PPCDC: variants seen among roughly 807,000 people sequenced by gnomAD.
PPCDC encodes phosphopantothenoylcysteine decarboxylase.
PPCDC carries 20 observed loss-of-function variants against 20.7 expected under a neutral mutation model. The ratio of observed to expected loss-of-function variants is 0.97; its 90% CI spans 0.68 to 1.41. PPCDC has a LOEUF of 1.41. Among genes scored for constraint, PPCDC ranks in the 40% most tolerant of loss-of-function variants. The pLI, the probability that PPCDC is intolerant of heterozygous loss-of-function variation, is 0.00. For missense variants in PPCDC, 246 were observed against 263.8 expected, an observed-to-expected ratio of 0.93 and a Z score of 0.47; for synonymous variants, 88 against 100.3, an observed-to-expected ratio of 0.88 and a Z score of 0.73.
In PPCDC at chr15:75,048,722, G is replaced by C; in HGVS notation, c.529+1G>C. Reference sequence around the variant, plus strand: ...AAGAAGCTGGTGTGCGGAGATGAAGGTGGGTGTCTTGCCAGGCTTATAGCC... The same window carrying C: ...AAGAAGCTGGTGTGCGGAGATGAAGCTGGGTGTCTTGCCAGGCTTATAGCC... On this transcript the variant is annotated splice_donor_variant, in intron 5 of 5. Coordinates refer to ENST00000342932, the MANE Select transcript of PPCDC (RefSeq NM_021823.5). LOFTEE classifies it high-confidence loss of function. The C allele has an allele frequency of 6.2e-7, 1 of 1,613,918 alleles. No homozygotes were observed. The highest frequency in any genetic ancestry group is 1.3e-5 in the African/African-American group (1 of 75,072).
At chr15:75,024,921 T>TG (rs1340252388) in intron 1 of PPCDC, among the ~76,000 whole-genome samples, 1 of 151,898 alleles carries the variant, frequency 6.6e-6, no homozygotes, top group East Asian at 1.9e-4. Context: ...TTTTTTTTTT[T>TG]TGTGGTACTA....
At chr15:75,029,475 C>T (rs1209281687) in intron 2 of PPCDC, among the ~76,000 whole-genome samples, 2 of 152,170 alleles carry the variant, frequency 1.3e-5, no homozygotes, top group Admixed American at 1.3e-4. Flanking sequence ...GCGGTGCTTA[C>T]TCACAGATGA....
intron 2 of PPCDC, among the ~76,000 whole-genome samples, chr15:75,038,560 A>G (rs989010814): frequency 6.6e-6 from 1 of 152,156 alleles, no homozygotes; most frequent in African/African-American, 2.4e-5. Context: ...GCTGATTGCA[A>G]ACTCCATACA....
chr15:75,031,307 C>T (rs12594117), intron 2 of PPCDC, among the ~76,000 whole-genome samples: 1 of 152,032 alleles, frequency 6.6e-6, no homozygotes, highest in Admixed American at 6.5e-5. Flanking sequence ...CAGTAAAATC[C>T]GGGTTGTCAG....
At chr15:75,046,600 C>T (rs894219206) in intron 4 of PPCDC, among the ~76,000 whole-genome samples, 1 of 152,276 alleles carries the variant, frequency 6.6e-6, no homozygotes, top group Non-Finnish European at 1.5e-5. Flanking sequence ...GGTTTTCCCT[C>T]GAAGTCACAA....
At chr15:75,038,854 A>T (rs2066116291) in intron 2 of PPCDC, among the ~76,000 whole-genome samples, 1 of 150,622 alleles carries the variant, frequency 6.6e-6, no homozygotes, top group African/African-American at 2.4e-5. Context: ...TTCTACTATT[A>T]TCCGTTTCTT....
In PPCDC at chr15:75,048,731, T is replaced by C. The variant is rs1232443744; in HGVS notation, c.529+10T>C. On this transcript the variant is annotated intron_variant, in intron 5 of 5. Transcript: ENST00000342932. The stretch of plus-strand genomic sequence containing the variant: ...GTGTGCGGAGATGAAGGTGGGTGTC[T>C]TGCCAGGCTTATAGCCCAGGGCTGT... 1 of 1,613,416 alleles carries C rather than the reference T, an allele frequency of 6.2e-7. No homozygotes were observed. Among genetic ancestry groups the C allele is most frequent in the East Asian group, 2.2e-5 (1 of 44,886 alleles).
At chr15:75,025,559 A>G (rs976308497) in intron 1 of PPCDC, among the ~76,000 whole-genome samples, 4 of 152,214 alleles carry the variant, frequency 2.6e-5, no homozygotes, top group Non-Finnish European at 5.9e-5. Context: ...TCTGGAGGAT[A>G]GAGAAGCTGC....
At chr15:75,046,014 C>T (rs566706254) in intron 4 of PPCDC, among the ~76,000 whole-genome samples, 1 of 151,902 alleles carries the variant, frequency 6.6e-6, no homozygotes, top group East Asian at 1.9e-4. Context: ...AGTTTGAGAC[C>T]AGCCTGAGCA....
chr15:75,043,083 C>T (rs571000357), intron 2 of PPCDC, among the ~76,000 whole-genome samples: 7 of 152,378 alleles, frequency 4.6e-5, no homozygotes, highest in Non-Finnish European at 7.3e-5. Context: ...CTGCTGTGGC[C>T]TCTGCGGCCC....
chr15:75,041,417 C>A (rs1221897119), intron 2 of PPCDC, among the ~76,000 whole-genome samples: 1 of 152,098 alleles, frequency 6.6e-6, no homozygotes, highest in East Asian at 1.9e-4. Context: ...ATTGCTTGAG[C>A]CTAGGAGTTT....
chr15:75,042,183 A>G (rs967693228), intron 2 of PPCDC, among the ~76,000 whole-genome samples: 1 of 152,182 alleles, frequency 6.6e-6, no homozygotes, highest in Admixed American at 6.5e-5. Flanking sequence ...TGGCTGGTTG[A>G]TGGTTCTGTC....
At chr15:75,044,099 T>A (rs975408325) in intron 3 of PPCDC, among the ~76,000 whole-genome samples, 26 of 113,000 alleles carry the variant, frequency 2.3e-4, no homozygotes, top group Non-Finnish European at 4.1e-4. Flanking sequence ...AGCATCCGCC[T>A]CAAGCAGACA....
chr15:75,028,146 C>G, intron 1 of PPCDC, 101 bp from the exon 2 acceptor site: 2 of 824,962 alleles, frequency 2.4e-6, no homozygotes, highest in Non-Finnish European at 3.7e-6. Flanking sequence ...CTGCTGATCC[C>G]TTCCGCTGCC....
intron 2 of PPCDC, among the ~76,000 whole-genome samples, chr15:75,033,476 G>A (rs1394027278): frequency 6.6e-6 from 1 of 152,006 alleles, no homozygotes; most frequent in African/African-American, 2.4e-5. Context: ...ATTCTGTTCA[G>A]TTTTAATTTG....
chr15:75,033,068 G>C (rs1232908784), intron 2 of PPCDC, among the ~76,000 whole-genome samples: 2 of 152,154 alleles, frequency 1.3e-5, no homozygotes, highest in Non-Finnish European at 2.9e-5. Context: ...CTCCCAAAGT[G>C]CTGGGATTAC....
At chr15:75,033,091 C>T (rs1436363673) in intron 2 of PPCDC, among the ~76,000 whole-genome samples, 1 of 152,174 alleles carries the variant, frequency 6.6e-6, no homozygotes, top group Non-Finnish European at 1.5e-5. Context: ...GCATGTGCCA[C>T]TGTGCCTGGC....
chr15:75,028,075 G>T, intron 1 of PPCDC, 172 bp from the exon 2 acceptor site: 1 of 520,988 alleles, frequency 1.9e-6, no homozygotes, highest in Non-Finnish European at 3.4e-6. Context: ...CTTGTGACTG[G>T]CCCATGTGTG....
intron 2 of PPCDC, among the ~76,000 whole-genome samples, chr15:75,030,755 C>T (rs2066011393): frequency 1.3e-5 from 2 of 152,190 alleles, no homozygotes; most frequent in African/African-American, 2.4e-5. Flanking sequence ...TCCTTAGGTA[C>T]ATCCAGATTT....
Sources: allele counts gnomAD v4.1 joint callset (sites outside exome capture counted in the v4.1 genomes callset), GRCh38; gene constraint gnomAD v4.1.1; transcripts MANE v1.5; gene names NCBI Gene and HGNC (gene_info 2026-07-23, HGNC 2026-07-21).